Variants in COL9A1 observed in about 807,000 individuals in gnomAD.
The protein encoded by COL9A1 is collagen type IX alpha 1 chain.
A neutral mutation model predicts 142.6 loss-of-function variants in COL9A1; 104 were observed. The observed-to-expected ratio is 0.73, with a 90% CI of 0.62 to 0.86. COL9A1 has a LOEUF of 0.86. COL9A1 is among the 40% of genes least tolerant of loss of function. The pLI is 0.00. For missense variants in COL9A1, 1,210 were observed against 1,176.6 expected, an observed-to-expected ratio of 1.03 and a Z score of -0.42; for synonymous variants, 466 against 396.0, an observed-to-expected ratio of 1.18 and a Z score of -2.10.
Position 70,274,734 on chromosome 6 carries a change from C to T in COL9A1, c.1014G>A (p.Gly338=), listed in dbSNP as rs770867894. 1.9e-6 allele frequency: 3 copies of T among 1,612,314 alleles called. No individual in the cohort carries two copies. In the Admixed American group the frequency reaches 5.0e-5, roughly 27 times the overall value. ...TGPDGSPGSI[G]SKGQKGEPGV... ...GCTAACTTACTTTTTGTCCCTTTGA[C>T]CCAATGGAGCCAGGGGATCCATCAG... Residue 338 remains glycine, a synonymous_variant, in exon 11 of 38, where the codon GGG becomes GGA. Transcript: ENST00000357250.
chr6:70,266,530 T>C (rs1425666306), intron 18 of COL9A1, among the ~76,000 whole-genome samples, 187 bp downstream of exon 18: 3 of 152,212 alleles, frequency 2.0e-5, no homozygotes, highest in Non-Finnish European at 2.9e-5. Flanking sequence ...TTATTGTAAA[T>C]GAACAACTTC....
At chr6:70,224,901 T>TA (rs1312832021) in intron 37 of COL9A1, among the ~76,000 whole-genome samples, 5 of 151,668 alleles carry the variant, frequency 3.3e-5, no homozygotes, top group Admixed American at 2.6e-4. Context: ...CATGTTTTTT[T>TA]AAAAAATTTT....
intron 2 of COL9A1, 72 bp from the exon 3 acceptor site, chr6:70,300,458 A>T (rs1483501829): frequency 1.7e-6 from 1 of 585,836 alleles, no homozygotes; most frequent in Non-Finnish European, 2.6e-6. Context: ...AAAATAAAAT[A>T]AAATAATAAT....
intron 4 of COL9A1, among the ~76,000 whole-genome samples, chr6:70,295,785 C>T (rs1256773547): frequency 6.6e-6 from 1 of 152,208 alleles, no homozygotes; most frequent in Non-Finnish European, 1.5e-5. Context: ...CTTTAAAAAT[C>T]AGCATGTTAA....
intron 37 of COL9A1, among the ~76,000 whole-genome samples, chr6:70,225,132 G>C (rs1258198216): frequency 6.6e-6 from 1 of 152,188 alleles, no homozygotes; most frequent in Non-Finnish European, 1.5e-5. Flanking sequence ...GGCTTTGGGA[G>C]CCTTCCTAAG....
chr6:70,257,091 G>C (rs1711729), intron 20 of COL9A1, among the ~76,000 whole-genome samples: 1 of 129,404 alleles, frequency 7.7e-6, no homozygotes, highest in African/African-American at 3.0e-5. Flanking sequence ...ACAGGGTTTC[G>C]CTCTTGTTGC....
At chr6:70,288,078 A>T (rs1703196257) in intron 5 of COL9A1, among the ~76,000 whole-genome samples, 1 of 152,160 alleles carries the variant, frequency 6.6e-6, no homozygotes, top group Non-Finnish European at 1.5e-5. Context: ...CCTATTTACC[A>T]ACTTCATCTA....
intron 21 of COL9A1, 101 bp from the exon 22 acceptor site, chr6:70,255,491 C>A: frequency 2.0e-6 from 2 of 997,122 alleles, no homozygotes; most frequent in Non-Finnish European, 3.2e-6. Context: ...TATTAGTCTT[C>A]CACCACAATG....
At chr6:70,290,371 G>T (rs1042664393) in intron 5 of COL9A1, among the ~76,000 whole-genome samples, 1 of 151,984 alleles carries the variant, frequency 6.6e-6, no homozygotes, top group Non-Finnish European at 1.5e-5. Flanking sequence ...GCACAAAGGA[G>T]AATAAAATAT....
At position 70,294,195 on chromosome 6, in the gene COL9A1, A is replaced by C. The variant is rs768085328; in HGVS notation, c.668T>G (p.Leu223Arg). 6.2e-6 allele frequency: 10 copies of C among 1,613,920 alleles called. No homozygotes were observed. In the Admixed American group the frequency reaches 1.0e-4, roughly 16 times the overall value. The change falls in exon 5 of 38, where the codon CTT becomes CGT. Residue 223 changes from leucine to arginine, a missense_variant. Physicochemically the swap from Leu to Arg is moderately radical, Grantham distance 102 (BLOSUM62 -2). Coordinates refer to ENST00000357250, the MANE Select transcript of COL9A1 (RefSeq NM_001851.6). ...AACAGAAACTTGAGGATTATCTGCAAGTTTTCCCAGCACAGCAAAGCCATC... is the reference window on the plus strand; with the variant it reads ...AACAGAAACTTGAGGATTATCTGCACGTTTTCCCAGCACAGCAAAGCCATC... Reference protein sequence around the residue: ...DIDGFAVLGKLADNPQVSVPF... With the variant: ...DIDGFAVLGKRADNPQVSVPF...
intron 36 of COL9A1, 48 bp downstream of exon 36, chr6:70,232,535 T>C (rs1769614350): frequency 1.9e-6 from 3 of 1,589,454 alleles, no homozygotes; most frequent in African/African-American, 1.3e-5. Context: ...AGATTATACA[T>C]CTGAAAAAGG....
Position 70,266,765 on chromosome 6 carries a change from A to G in COL9A1, c.1293T>C (p.His431=). 6.2e-7 allele frequency: 1 copy of G among 1,613,254 alleles called. No individual in the cohort carries two copies. Among genetic ancestry groups the G allele is most frequent in the South Asian group, 1.1e-5 (1 of 91,062 alleles). The part of the protein sequence containing the change: ...GYPGLPGMRG[H]KGAKGEIGEP... ...CACCAATTTCTCCTTTAGCCCCTTT[A>G]TGACCCTAACAAATGCAAAATAAGT... is the stretch of plus-strand genomic sequence containing the variant. The change falls in exon 18 of 38, where the codon CAT becomes CAC. Residue 431 remains histidine, a synonymous_variant. Coordinates refer to ENST00000357250, the MANE Select transcript of COL9A1 (RefSeq NM_001851.6).
intron 21 of COL9A1, among the ~76,000 whole-genome samples, chr6:70,255,629 T>C (rs889787083): frequency 6.6e-6 from 1 of 152,202 alleles, no homozygotes; most frequent in Non-Finnish European, 1.5e-5. Flanking sequence ...AAATGCACTA[T>C]GCCTCTGTGT....
chr6:70,220,633 C>G lies in COL9A1; in HGVS notation c.2582-3552G>C, dbSNP rs907517391. On this transcript the variant is annotated intron_variant, in intron 37 of 37. Coordinates refer to ENST00000357250, the MANE Select transcript of COL9A1 (RefSeq NM_001851.6). Reference sequence around the variant, plus strand: ...AAAGCCCTGACCCAGGGCCTTTGCTCTCATGTATGTTCTAAACTATGTGGG... The same window carrying G: ...AAAGCCCTGACCCAGGGCCTTTGCTGTCATGTATGTTCTAAACTATGTGGG... Among the ~76,000 whole-genome samples the G allele has an allele frequency of 3.3e-5, 5 of 152,292 alleles. No homozygotes were observed. In the South Asian group the frequency reaches 8.3e-4, roughly 25 times the overall value.
rs58525634 is a variant in COL9A1 at position 70,220,389 on chromosome 6, G to GGTGTGT, written c.2582-3314_2582-3309dup. On this transcript the variant is annotated intron_variant, in intron 37 of 37. Coordinates refer to ENST00000357250, the MANE Select transcript of COL9A1 (RefSeq NM_001851.6). ...GGAAGGGTGTGGAGGGGTGTGGCAG[G>GGTGTGT]GTGTGTGTGTGTGTGTGTGTGTGTG... Among the ~76,000 whole-genome samples the GGTGTGT allele has an allele frequency of 3.2e-3, 474 of 148,688 alleles. 7 individuals carry two copies. The highest frequency in any genetic ancestry group is 0.011 in the African/African-American group (450 of 40,030).
chr6:70,280,715 C>G (rs1773094726), intron 10 of COL9A1, 97 bp downstream of exon 10: 2 of 1,445,406 alleles, frequency 1.4e-6, no homozygotes. Flanking sequence ...TTCTCTCTCT[C>G]TCTTTCTCTC....
At chr6:70,260,289 C>A (rs183928664) in intron 20 of COL9A1, among the ~76,000 whole-genome samples, 1 of 152,038 alleles carries the variant, frequency 6.6e-6, no homozygotes, top group Non-Finnish European at 1.5e-5. Context: ...CACCTGTAAT[C>A]CCAGTACTTT....
At chr6:70,277,256 C>A (rs1317671095) in intron 10 of COL9A1, among the ~76,000 whole-genome samples, 6 of 151,658 alleles carry the variant, frequency 4.0e-5, no homozygotes, top group Non-Finnish European at 8.8e-5. Flanking sequence ...ATAAAAATAT[C>A]TCTATTAATA....
Position 70,266,729 on chromosome 6 carries a change from T to A in COL9A1, c.1329A>T (p.Arg443Ser). The change falls in exon 18 of 38, where the codon AGA becomes AGT. Residue 443 changes from arginine to serine, a missense_variant. Arg to Ser is a moderately radical substitution (Grantham distance 110). Transcript: ENST00000357250. Reference sequence around the variant, plus strand: ...CCATTTTCCTTACCTTGTGTCCTTGTCTTCCTGGTTCACCAATTTCTCCTT... The same window carrying A: ...CCATTTTCCTTACCTTGTGTCCTTGACTTCCTGGTTCACCAATTTCTCCTT... The part of the protein sequence containing the change: ...GAKGEIGEPG[R>S]QGHKGEEGDQ... 6.2e-7 allele frequency: 1 copy of A among 1,613,262 alleles called. No homozygotes were observed. The highest frequency in any genetic ancestry group is 1.7e-5 in the Admixed American group (1 of 60,022).
Sources: allele counts gnomAD v4.1 joint callset (sites outside exome capture counted in the v4.1 genomes callset), GRCh38; gene constraint gnomAD v4.1.1; transcripts MANE v1.5; gene names NCBI Gene and HGNC (gene_info 2026-07-23, HGNC 2026-07-21).